Variants in FRYL observed in about 807,000 individuals in gnomAD.
FRYL encodes the protein protein furry homolog-like.
In FRYL, 150 loss-of-function variants were observed where a neutral mutation model predicts 351.2. The observed-to-expected ratio is 0.43, with a 90% CI of 0.37 to 0.49. FRYL has a LOEUF of 0.49. Ranked by LOEUF, FRYL falls within the 20% of genes least tolerant of loss-of-function variation. FRYL has a pLI of 0.00. For missense variants in FRYL, 3,036 were observed against 3,619.3 expected (o/e 0.84, Z 4.13); for synonymous variants, 1,153 against 1,257.1 (o/e 0.92, Z 1.75).
At chr4:48,692,050 A>C (rs1179987390) in intron 2 of FRYL, among the ~76,000 whole-genome samples, 1 of 152,196 alleles carries the variant, frequency 6.6e-6, no homozygotes, top group Non-Finnish European at 1.5e-5. Flanking sequence ...TAATTTCATA[A>C]ATAGTAGATG....
rs554833948 is a variant in FRYL at position 48,551,285 on chromosome 4, T to A, written c.4520+209A>T. ...TGACTTACCATATACCACCTATTTATACATTAGAGCATATAAAAAAATCTA... is the reference window on the plus strand; with the variant it reads ...TGACTTACCATATACCACCTATTTAAACATTAGAGCATATAAAAAAATCTA... On this transcript the variant is annotated intron_variant, in intron 37 of 63. Coordinates refer to ENST00000358350, the MANE Select transcript of FRYL (RefSeq NM_015030.2). Among the ~76,000 whole-genome samples, 14 of 152,334 alleles carry A rather than the reference T, an allele frequency of 9.2e-5. No homozygotes were observed. In the East Asian group the frequency reaches 2.7e-3, roughly 29 times the overall value.
Position 48,739,421 on chromosome 4 carries a change from A to AAAT in FRYL, c.-383-28724_-383-28723insATT, listed in dbSNP as rs56312141. On this transcript the variant is annotated intron_variant, in intron 1 of 63. Coordinates refer to ENST00000358350, the MANE Select transcript of FRYL (RefSeq NM_015030.2). ...GTCTCAAAAAAAAAAAAAAAAAAAA[A>AAAT]CAACTAATCTTTGAAAATGGAGCAA... Among the ~76,000 whole-genome samples the AAAT allele has an allele frequency of 1.1e-3, 123 of 117,086 alleles. 13 individuals are homozygous for AAAT. Among genetic ancestry groups the AAAT allele is most frequent in the Admixed American group, 5.5e-3 (58 of 10,542 alleles). The allele number at this position is 117,086 out of a possible 152,430, so 76.8% of individuals were successfully genotyped here.
chr4:48,592,584 G>A (rs1183976879), intron 16 of FRYL, among the ~76,000 whole-genome samples: 1 of 152,014 alleles, frequency 6.6e-6, no homozygotes, highest in Admixed American at 6.5e-5. Flanking sequence ...TCTTAAAATG[G>A]ATGTTCAAGA....
chr4:48,553,663 A>C (rs571866011), intron 35 of FRYL, among the ~76,000 whole-genome samples: 4,581 of 150,238 alleles, frequency 0.03, 68 homozygotes, highest in Admixed American at 0.048. Flanking sequence ...AAAAAAAAAA[A>C]AAAAAAAAAA....
chr4:48,666,280 T>C (rs1761701961), intron 3 of FRYL, among the ~76,000 whole-genome samples: 2 of 152,092 alleles, frequency 1.3e-5, no homozygotes, highest in South Asian at 4.1e-4. Flanking sequence ...GGCAGGAGAA[T>C]AGCTTGAACC....
chr4:48,570,920 T>C lies in FRYL; in HGVS notation c.2905-2A>G. On this transcript the variant is annotated splice_acceptor_variant, in intron 26 of 63. Coordinates refer to ENST00000358350, the MANE Select transcript of FRYL (RefSeq NM_015030.2). LOFTEE classifies it high-confidence loss of function. ...TCGACGCCTGCGCCGTTTCATATTC[T>C]ATTCCAAAGATACAAACACATTAAT... The C allele has an allele frequency of 6.2e-7, 1 of 1,608,048 alleles. No homozygotes were observed. The highest frequency in any genetic ancestry group is 8.5e-7 in the Non-Finnish European group (1 of 1,174,712).
intron 50 of FRYL, among the ~76,000 whole-genome samples, chr4:48,530,555 G>A (rs1018323849): frequency 1.3e-5 from 2 of 152,034 alleles, no homozygotes; most frequent in African/African-American, 4.8e-5. Flanking sequence ...ACTATGAAAT[G>A]CAAGATCCCC....
intron 6 of FRYL, 43 bp downstream of exon 6, chr4:48,620,596 G>A (rs1349991501): frequency 1.3e-6 from 2 of 1,546,624 alleles, no homozygotes; most frequent in African/African-American, 1.4e-5. Context: ...TTCATTGGAA[G>A]TGTGTTAATT....
rs1249013715 is a variant in FRYL, at chr4:48,589,797, T to C, written c.1588A>G (p.Met530Val). The C allele has an allele frequency of 1.2e-6, 2 of 1,613,730 alleles. No homozygotes were observed. Among genetic ancestry groups the C allele is most frequent in the Non-Finnish European group, 1.7e-6 (2 of 1,179,786 alleles). Reference sequence around the variant, plus strand: ...GACATCTGCACACTGGTCATACACATTGGTCTCCCAACTTCTTTGTCCAAA... The same window carrying C: ...GACATCTGCACACTGGTCATACACACTGGTCTCCCAACTTCTTTGTCCAAA... ...RHLDKEVGRP[M>V]CMTSVQMSNK... Residue 530 changes from methionine (M) to valine (V), a missense_variant, in exon 18 of 64, where the codon ATG becomes GTG. Around this residue, in one of 7 missense-constraint regions of FRYL, gnomAD observed 78 missense variants for 106.6 expected, o/e 0.73. Coordinates refer to ENST00000358350, the MANE Select transcript of FRYL (RefSeq NM_015030.2).
chr4:48,697,140 A>T (rs1423835727), intron 2 of FRYL, among the ~76,000 whole-genome samples: 1 of 152,136 alleles, frequency 6.6e-6, no homozygotes, highest in African/African-American at 2.4e-5. Context: ...TAAGGATAAT[A>T]AGGTCAATTC....
chr4:48,505,665 G>GT, intron 59 of FRYL, 50 bp from the exon 60 acceptor site: 1 of 1,138,148 alleles, frequency 8.8e-7, no homozygotes, highest in South Asian at 1.3e-5. Flanking sequence ...AATGGGTAGT[G>GT]TAACAGCCTG....
At chr4:48,554,773 T>C (rs1302756301) in intron 35 of FRYL, among the ~76,000 whole-genome samples, 1 of 152,226 alleles carries the variant, frequency 6.6e-6, no homozygotes, top group Admixed American at 6.5e-5. Flanking sequence ...TTCCTGCCTT[T>C]GTGGGTTCCT....
chr4:48,683,474 T>C (rs1764872728), intron 3 of FRYL, among the ~76,000 whole-genome samples: 1 of 152,078 alleles, frequency 6.6e-6, no homozygotes, highest in Admixed American at 6.5e-5. Flanking sequence ...ACTTCGTTTT[T>C]AATTCTTATT....
At chr4:48,618,340 T>C (rs1324761458) in intron 7 of FRYL, 4 of 152,252 alleles carry the variant, frequency 2.6e-5, no homozygotes, top group African/African-American at 9.6e-5. Flanking sequence ...TAAAACTGAT[T>C]ATATAATTCA....
chr4:48,510,822 T>C lies in FRYL; in HGVS notation c.8295+13A>G, dbSNP rs1722320240. The C allele has an allele frequency of 2.5e-6, 4 of 1,600,772 alleles. No homozygotes were observed. Among genetic ancestry groups the C allele is most frequent in the African/African-American group, 2.7e-5 (2 of 74,650 alleles). ...ATGTAGTCTTTATAATAAACCTGCA[T>C]GTAAAAACTTACTGTTTCAGCATCC... On this transcript the variant is annotated intron_variant, in intron 58 of 63. Transcript: ENST00000358350.
At chr4:48,767,971 C>T (rs1775140579) in intron 1 of FRYL, among the ~76,000 whole-genome samples, 1 of 152,206 alleles carries the variant, frequency 6.6e-6, no homozygotes, top group Non-Finnish European at 1.5e-5. Context: ...GATTTGGAGT[C>T]AAATGTGGCA....
intron 59 of FRYL, among the ~76,000 whole-genome samples, chr4:48,507,806 G>A (rs1322338993): frequency 6.6e-6 from 1 of 152,136 alleles, no homozygotes; most frequent in Non-Finnish European, 1.5e-5. Context: ...AATAGTCTCT[G>A]TGCAGTCTCG....
rs142773346 is a variant in FRYL, at chr4:48,707,515, C to T, written c.-204+3004G>A. ...AGTCTGAATACAAAGCAATTGGTTA[C>T]ACCAGTCTGTTTACTTCTGCATATG... is the stretch of plus-strand genomic sequence containing the variant. On this transcript the variant is annotated intron_variant, in intron 2 of 63. Coordinates refer to ENST00000358350, the MANE Select transcript of FRYL (RefSeq NM_015030.2). 9.6e-4 allele frequency among the ~76,000 whole-genome samples: 146 copies of T among 152,154 alleles called. 1 individual carries two copies. The highest frequency in any genetic ancestry group is 2.1e-3 in the South Asian group (10 of 4,826).
At chr4:48,759,764 C>T (rs1357478877) in intron 1 of FRYL, among the ~76,000 whole-genome samples, 2 of 152,166 alleles carry the variant, frequency 1.3e-5, no homozygotes, top group Non-Finnish European at 2.9e-5. Flanking sequence ...CTGGTTCTGA[C>T]TCTTCTGCTT....
Sources: gnomAD v4.1 joint callset for allele counts (sites outside exome capture counted in the v4.1 genomes callset) on GRCh38, gnomAD v4.1.1 for gene constraint, gnomAD v4.1.1 regional missense constraint, MANE v1.5 for transcripts, NCBI Gene and HGNC (gene_info 2026-07-23, HGNC 2026-07-21) for gene names.